Variants in ABCB5 observed in about 807,000 individuals in gnomAD.
ABCB5 encodes the protein ATP-binding cassette sub-family B member 5.
In ABCB5, 155 loss-of-function variants were observed where a neutral mutation model predicts 144.2. That is an observed-to-expected ratio of 1.08 (90% CI 0.94 to 1.23). The LOEUF is 1.23. ABCB5 is among the 50% of genes most tolerant of loss of function. The probability of loss-of-function intolerance (pLI) is 0.00; values close to 1 mark genes in which losing one functional copy is unlikely to be tolerated. For missense variants in ABCB5, 1,830 were observed against 1,520.8 expected (o/e 1.20, Z -3.38); for synonymous variants, 610 against 528.6 (o/e 1.15, Z -2.11).
In ABCB5 at chr7:20,653,478, G is replaced by C. The variant is rs979289585; in HGVS notation, c.1536+1855G>C. Reference sequence around the variant, plus strand: ...TTTTAAAATTAATGTATAATAATTAGCTGATACTGGTTAGCCTTTCACTCA... The same window carrying C: ...TTTTAAAATTAATGTATAATAATTACCTGATACTGGTTAGCCTTTCACTCA... On this transcript the variant is annotated intron_variant, in intron 13 of 27. Coordinates refer to ENST00000404938, the MANE Select transcript of ABCB5 (RefSeq NM_001163941.2). Among the ~76,000 whole-genome samples, 38 of 152,146 alleles carry C rather than the reference G, an allele frequency of 2.5e-4. 1 individual carries two copies. Among genetic ancestry groups the C allele is most frequent in the African/African-American group, 9.2e-4 (38 of 41,422 alleles).
chr7:20,675,397 G>C (rs1356660182), intron 14 of ABCB5, among the ~76,000 whole-genome samples: 1 of 151,968 alleles, frequency 6.6e-6, no homozygotes, highest in African/African-American at 2.4e-5. Context: ...ATGGGGAAAG[G>C]ATGGTTTATT....
intron 5 of ABCB5, among the ~76,000 whole-genome samples, chr7:20,640,607 C>T (rs368980774): frequency 2.2e-4 from 34 of 152,198 alleles, no homozygotes; most frequent in East Asian, 7.7e-4. Context: ...AAATAAACCA[C>T]GAAAATAACA....
chr7:20,753,576 AG>A, intron 27 of ABCB5, 70 bp downstream of exon 27: 1 of 1,520,136 alleles, frequency 6.6e-7, no homozygotes, highest in Middle Eastern at 1.9e-4. Flanking sequence ...GAGGAAACCA[AG>A]GTAAGTTTGG....
At chr7:20,747,541 A>T (rs1782767737) in intron 26 of ABCB5, among the ~76,000 whole-genome samples, 1 of 152,182 alleles carries the variant, frequency 6.6e-6, no homozygotes, top group Non-Finnish European at 1.5e-5. Context: ...TTACAGGCAT[A>T]AGCCACCACA....
intron 16 of ABCB5, among the ~76,000 whole-genome samples, chr7:20,689,513 G>A (rs1375540612): frequency 6.6e-6 from 1 of 152,156 alleles, no homozygotes; most frequent in Non-Finnish European, 1.5e-5. Flanking sequence ...ATGTGGGAGG[G>A]TGCAGGCATT....
intron 12 of ABCB5, among the ~76,000 whole-genome samples, chr7:20,650,768 G>C (rs965763114): frequency 6.6e-6 from 1 of 152,120 alleles, no homozygotes; most frequent in African/African-American, 2.4e-5. Context: ...TTTTCATTTG[G>C]AGTATCCTAG....
chr7:20,731,313 A>G (rs1305474396), intron 23 of ABCB5, among the ~76,000 whole-genome samples: 1 of 150,002 alleles, frequency 6.7e-6, no homozygotes, highest in Non-Finnish European at 1.5e-5. Flanking sequence ...AGATCACACC[A>G]CTGCACTCCA....
chr7:20,638,251 A>T (rs761824383), intron 5 of ABCB5, among the ~76,000 whole-genome samples: 60 of 152,198 alleles, frequency 3.9e-4, no homozygotes, highest in Non-Finnish European at 6.3e-4. Flanking sequence ...TAATCCCAAC[A>T]CTAATAGATA....
At chr7:20,623,128 G>T (rs75076396) in intron 1 of ABCB5, 137 bp from the exon 2 acceptor site, 5 of 585,062 alleles carry the variant, frequency 8.5e-6, no homozygotes, top group Non-Finnish European at 1.2e-5. Flanking sequence ...CAATTGGAGT[G>T]GGGGGCTGGG....
In ABCB5 at chr7:20,687,115, T is replaced by C. The variant is rs149824749; in HGVS notation, c.2010+1279T>C. Among the ~76,000 whole-genome samples the C allele has an allele frequency of 2.0e-3, 311 of 152,308 alleles. 2 individuals are homozygous for C. Among genetic ancestry groups the C allele is most frequent in the African/African-American group, 7.2e-3 (299 of 41,574 alleles). ...ATATGACAAATGTATGTTAAGAATA[T>C]AGTACAAGAAAGTTTGTACTGAGAC... On this transcript the variant is annotated intron_variant, in intron 16 of 27. Coordinates refer to ENST00000404938, the MANE Select transcript of ABCB5 (RefSeq NM_001163941.2).
chr7:20,716,230 A>G (rs151157340), intron 20 of ABCB5, among the ~76,000 whole-genome samples: 3 of 152,364 alleles, frequency 2.0e-5, no homozygotes, highest in African/African-American at 7.2e-5. Flanking sequence ...AAATATTAAA[A>G]GAAACTTCCA....
chr7:20,745,567 G>C lies in ABCB5; in HGVS notation c.3429+129G>C, dbSNP rs117860234. ...TATTTATTGCCAGAATCTAAAGTTA[G>C]ATGTAAAACATGAAGTCAGATGCGA... is the stretch of plus-strand genomic sequence containing the variant. On this transcript the variant is annotated intron_variant, in intron 26 of 27. Transcript: ENST00000404938. 59 of 942,974 alleles carry C rather than the reference G, an allele frequency of 6.3e-5. No homozygotes were observed. The East Asian group carries it at 1.6e-3, about 25-fold the overall frequency. The allele number at this position is 942,974 out of a possible 1,614,324, so 58.4% of individuals were successfully genotyped here.
At chr7:20,617,515 T>C (rs1379674410) in intron 1 of ABCB5, among the ~76,000 whole-genome samples, 1 of 152,212 alleles carries the variant, frequency 6.6e-6, no homozygotes, top group Non-Finnish European at 1.5e-5. Context: ...TAAAATTTCC[T>C]CTAGATAAGT....
chr7:20,705,595 C>T (rs1162727538), intron 20 of ABCB5, among the ~76,000 whole-genome samples: 2 of 151,926 alleles, frequency 1.3e-5, no homozygotes, highest in Admixed American at 6.6e-5. Context: ...TTCCTTTTTC[C>T]TTATCATGCA....
At chr7:20,677,955 A>G (rs1346259917) in intron 14 of ABCB5, among the ~76,000 whole-genome samples, 1 of 152,172 alleles carries the variant, frequency 6.6e-6, no homozygotes, top group Admixed American at 6.5e-5. Flanking sequence ...AACTATTAAG[A>G]ACTCCAGAAT....
At chr7:20,635,200 G>T (rs970687307) in intron 5 of ABCB5, among the ~76,000 whole-genome samples, 3 of 151,916 alleles carry the variant, frequency 2.0e-5, no homozygotes, top group African/African-American at 7.2e-5. Flanking sequence ...TTTGTTGAAG[G>T]TCAATTAGTT....
chr7:20,682,956 C>T (rs919368358), intron 15 of ABCB5, among the ~76,000 whole-genome samples: 2 of 152,184 alleles, frequency 1.3e-5, no homozygotes, highest in African/African-American at 4.8e-5. Flanking sequence ...GGCTCTAGCT[C>T]TCTTCTTTGT....
intron 5 of ABCB5, among the ~76,000 whole-genome samples, chr7:20,640,659 G>A (rs995281546): frequency 3.3e-5 from 5 of 152,264 alleles, no homozygotes; most frequent in Middle Eastern, 3.4e-3. Flanking sequence ...GGCAGAGTAC[G>A]TGTGCATCAG....
intron 2 of ABCB5, among the ~76,000 whole-genome samples, chr7:20,623,587 T>A (rs988282940): frequency 2.0e-5 from 3 of 152,192 alleles, no homozygotes; most frequent in Non-Finnish European, 4.4e-5. Flanking sequence ...TATCTCCTCT[T>A]CTGAATTTCT....
Sources: allele counts gnomAD v4.1 joint callset (sites outside exome capture counted in the v4.1 genomes callset), GRCh38; gene constraint gnomAD v4.1.1; transcripts MANE v1.5; gene names NCBI Gene and HGNC (gene_info 2026-07-23, HGNC 2026-07-21).